Variants in CFAP95 observed in about 807,000 individuals in gnomAD.
CFAP95 encodes cilia- and flagella-associated protein 95.
chr9:69,863,044 G>A, the CFAP95 span, among the ~76,000 whole-genome samples: 2 of 152,220 alleles, frequency 1.3e-5, no homozygotes, highest in South Asian at 4.1e-4. Flanking sequence ...ATAGGGAACA[G>A]TTAAGATGAC....
chr9:69,839,588 A>C, the CFAP95 span, among the ~76,000 whole-genome samples: 1 of 151,408 alleles, frequency 6.6e-6, no homozygotes, highest in Non-Finnish European at 1.5e-5. Flanking sequence ...CACCGTGCCC[A>C]GCTAATTTTC....
At chr9:69,858,988 C>T in the CFAP95 span, among the ~76,000 whole-genome samples, 1 of 152,152 alleles carries the variant, frequency 6.6e-6, no homozygotes, top group Non-Finnish European at 1.5e-5. Flanking sequence ...TTGCATTGTG[C>T]ATTGTGGGGT....
the CFAP95 span, chr9:69,856,611 G>A: frequency 6.2e-7 from 1 of 1,612,388 alleles, no homozygotes; most frequent in Non-Finnish European, 8.5e-7. Context: ...ACACAGAATG[G>A]GTTGAAATGA....
At chr9:69,886,077 C>A in the CFAP95 span, among the ~76,000 whole-genome samples, 1 of 152,178 alleles carries the variant, frequency 6.6e-6, no homozygotes, top group Non-Finnish European at 1.5e-5. Context: ...TCATCCAGTT[C>A]AGGACATGAA....
chr9:69,882,183 T>C, the CFAP95 span, among the ~76,000 whole-genome samples: 2 of 152,108 alleles, frequency 1.3e-5, no homozygotes, highest in Non-Finnish European at 2.9e-5. Flanking sequence ...GGTTTCACCA[T>C]GTTGCCCAGG....
the CFAP95 span, among the ~76,000 whole-genome samples, chr9:69,856,172 A>G: frequency 6.6e-6 from 1 of 152,222 alleles, no homozygotes; most frequent in African/African-American, 2.4e-5. Context: ...AATAATGATG[A>G]TGATGATGAT....
chr9:69,827,394 A>T, the CFAP95 span, among the ~76,000 whole-genome samples: 1 of 152,198 alleles, frequency 6.6e-6, no homozygotes, highest in Non-Finnish European at 1.5e-5. Context: ...CAAACTTTTC[A>T]ACTGTTGGTT....
chr9:69,845,452 G>GC, the CFAP95 span, among the ~76,000 whole-genome samples: 11 of 152,224 alleles, frequency 7.2e-5, no homozygotes, highest in African/African-American at 1.7e-4. Context: ...TTCTGCCCCC[G>GC]CCCCCCAAGG....
chr9:69,850,061 C>T, the CFAP95 span, among the ~76,000 whole-genome samples: 1 of 152,132 alleles, frequency 6.6e-6, no homozygotes, highest in African/African-American at 2.4e-5. Context: ...CTTATGTTAC[C>T]TTCCTAGCAT....
the CFAP95 span, among the ~76,000 whole-genome samples, chr9:69,852,375 G>T: frequency 6.6e-6 from 1 of 152,066 alleles, no homozygotes; most frequent in African/African-American, 2.4e-5. Flanking sequence ...GAGCTGCTTG[G>T]TGTCTCATTC....
the CFAP95 span, among the ~76,000 whole-genome samples, chr9:69,832,925 A>G: frequency 6.6e-6 from 1 of 152,020 alleles, no homozygotes; most frequent in Non-Finnish European, 1.5e-5. Flanking sequence ...CTTTACATAT[A>G]TATTTGCATA....
chr9:69,871,916 C>A, the CFAP95 span, among the ~76,000 whole-genome samples: 1 of 152,132 alleles, frequency 6.6e-6, no homozygotes, highest in Non-Finnish European at 1.5e-5. Context: ...TGTTTAATAT[C>A]ATTACAGTAT....
the CFAP95 span, among the ~76,000 whole-genome samples, chr9:69,876,084 T>C: frequency 4.6e-5 from 7 of 152,242 alleles, no homozygotes; most frequent in Admixed American, 3.3e-4. Context: ...GCACCTTCAA[T>C]TTTGCAAGAT....
chr9:69,904,126 G>T, the CFAP95 span, among the ~76,000 whole-genome samples: 1 of 152,012 alleles, frequency 6.6e-6, no homozygotes, highest in African/African-American at 2.4e-5. Flanking sequence ...ATATTTATGG[G>T]ATTGTACAAT....
the CFAP95 span, among the ~76,000 whole-genome samples, chr9:69,883,341 G>C: frequency 1.4e-4 from 22 of 152,240 alleles, no homozygotes; most frequent in African/African-American, 5.3e-4. Context: ...ATGTGGGGTT[G>C]GAATGACTCT....
chr9:69,871,789 A>T, the CFAP95 span, among the ~76,000 whole-genome samples: 2 of 152,136 alleles, frequency 1.3e-5, no homozygotes, highest in Non-Finnish European at 2.9e-5. Flanking sequence ...ATCTGTCCCA[A>T]CTGCAAACAT....
the CFAP95 span, among the ~76,000 whole-genome samples, chr9:69,885,578 T>A: frequency 6.6e-6 from 1 of 152,202 alleles, no homozygotes; most frequent in Non-Finnish European, 1.5e-5. Flanking sequence ...CCTCTTCAGT[T>A]CTAGCACCTC....
At chr9:69,874,038 C>T in the CFAP95 span, among the ~76,000 whole-genome samples, 1,545 of 152,258 alleles carry the variant, frequency 0.01, 27 homozygotes, top group African/African-American at 0.035. Context: ...AAAGAGGGCA[C>T]GTGTAGCAAA....
chr9:69,906,042 T>C, the CFAP95 span: 3 of 1,613,486 alleles, frequency 1.9e-6, no homozygotes, highest in Non-Finnish European at 1.7e-6. Context: ...AGATTTGGCA[T>C]CAACACTTGG....
Sources: gnomAD v4.1 joint callset for allele counts (sites outside exome capture counted in the v4.1 genomes callset) on GRCh38, gnomAD v4.1.1 for gene constraint, MANE v1.5 for transcripts, NCBI Gene and HGNC (gene_info 2026-07-23, HGNC 2026-07-21) for gene names.